Variants in ITGA8 observed in about 807,000 individuals in gnomAD.
The protein encoded by ITGA8 is integrin subunit alpha 8.
ITGA8 carries 91 observed loss-of-function variants against 142.3 expected under a neutral mutation model. The observed-to-expected ratio is 0.64, with a 90% confidence interval of 0.54 to 0.76. The LOEUF is 0.76. ITGA8 is among the 30% of genes least tolerant of loss of function. The probability of loss-of-function intolerance (pLI) is 0.00; values close to 1 mark genes in which losing one functional copy is unlikely to be tolerated. For missense variants in ITGA8, 1,406 were observed against 1,327.7 expected (o/e 1.06, Z -0.92); for synonymous variants, 505 against 485.2 (o/e 1.04, Z -0.54).
chr10:15,519,398 A>C lies in ITGA8; in HGVS notation c.2997T>G (p.Val999=). The part of the protein sequence containing the change: ...PEGSIVIKTS[V]IWATPNVSFS... ...AGGAAACATTCGGAGTTGCCCAAAT[A>C]ACTGATGTCTTAATCTGAAATGGAA... The change falls in exon 29 of 30, where the codon GTT becomes GTG. Residue 999 remains valine, a synonymous_variant. Transcript: ENST00000378076. 1 of 1,613,666 alleles carries C rather than the reference A, an allele frequency of 6.2e-7. No homozygotes were observed. Among genetic ancestry groups the C allele is most frequent in the Non-Finnish European group, 8.5e-7 (1 of 1,179,794 alleles).
intron 3 of ITGA8, among the ~76,000 whole-genome samples, chr10:15,687,574 C>T (rs909557308): frequency 1.1e-4 from 17 of 152,186 alleles, no homozygotes; most frequent in Non-Finnish European, 1.5e-5. Flanking sequence ...AGCAGATTAA[C>T]TTAGCATCCT....
intron 3 of ITGA8, among the ~76,000 whole-genome samples, chr10:15,687,060 G>A (rs993889958): frequency 1.2e-4 from 18 of 152,270 alleles, no homozygotes; most frequent in Middle Eastern, 6.8e-3. Flanking sequence ...TTAATGCAAA[G>A]ACAACTCTAC....
intron 13 of ITGA8, among the ~76,000 whole-genome samples, chr10:15,618,093 G>A (rs1833426657): frequency 6.6e-6 from 1 of 152,096 alleles, no homozygotes; most frequent in African/African-American, 2.4e-5. Context: ...AAGGAGGGAG[G>A]GAGATAAAGG....
chr10:15,672,719 A>G lies in ITGA8; in HGVS notation c.707T>C (p.Ile236Thr), dbSNP rs1269320107. 5 of 1,613,200 alleles carry G rather than the reference A, an allele frequency of 3.1e-6. No homozygotes were observed. Among genetic ancestry groups the G allele is most frequent in the African/African-American group, 1.3e-5 (1 of 74,866 alleles). Reference protein sequence around the residue: ...GQVITASVADIIANYSFKDIL... With the variant: ...GQVITASVADTIANYSFKDIL... ...ATCCTTGAATGAGTAATTTGCAATG[A>G]TATCTGCAACACTGGCAGTGATCAC... Residue 236 changes from isoleucine (I) to threonine (T), a missense_variant, in exon 7 of 30, where the codon ATC becomes ACC. By Grantham distance (89) the Ile-to-Thr change is moderately conservative. Transcript: ENST00000378076.
chr10:15,599,872 G>T (rs1428715059), intron 20 of ITGA8, among the ~76,000 whole-genome samples: 1 of 152,154 alleles, frequency 6.6e-6, no homozygotes, highest in Non-Finnish European at 1.5e-5. Context: ...AGTGAGCTGA[G>T]ATCGCGCCAT....
intron 4 of ITGA8, among the ~76,000 whole-genome samples, chr10:15,680,938 C>G (rs1026675477): frequency 1.3e-5 from 2 of 151,704 alleles, no homozygotes; most frequent in Non-Finnish European, 2.9e-5. Context: ...CTTCCTGGGA[C>G]TTCAGAGCAT....
rs549658223 is a variant in ITGA8 at position 15,719,206 on chromosome 10, G to A, written c.210-307C>T. Among the ~76,000 whole-genome samples the A allele has an allele frequency of 2.3e-3, 343 of 152,316 alleles. 2 individuals are homozygous for A. Among genetic ancestry groups the A allele is most frequent in the African/African-American group, 7.3e-3 (305 of 41,570 alleles). ...GCTGCTGGTAGCCGACAGCTCTTGC[G>A]CCCAGACGCAATGGTTACAGACTCT... On this transcript the variant is annotated intron_variant, in intron 1 of 29. Coordinates refer to ENST00000378076, the MANE Select transcript of ITGA8 (RefSeq NM_003638.3).
intron 23 of ITGA8, among the ~76,000 whole-genome samples, chr10:15,577,804 G>A (rs12415010): frequency 0.079 from 11,946 of 152,098 alleles, 840 homozygotes; most frequent in East Asian, 0.29. Flanking sequence ...GTCATCTTAC[G>A]ACCCTCACTG....
At chr10:15,596,204 C>T (rs1194891855) in intron 21 of ITGA8, among the ~76,000 whole-genome samples, 3 of 152,192 alleles carry the variant, frequency 2.0e-5, no homozygotes, top group Non-Finnish European at 1.5e-5. Flanking sequence ...TTTGAAGTCT[C>T]ATCTGTTATT....
chr10:15,644,443 TATATATATATATA>T (rs1212110935), intron 12 of ITGA8, among the ~76,000 whole-genome samples: 1 of 312 alleles, frequency 3.2e-3, no homozygotes, highest in African/African-American at 0.016. Context: ...AATATATATA[TATATATATATATA>T]TATATATATA....
intron 15 of ITGA8, among the ~76,000 whole-genome samples, chr10:15,611,847 T>C (rs1047321142): frequency 5.9e-5 from 9 of 151,812 alleles, no homozygotes; most frequent in African/African-American, 2.2e-4. Flanking sequence ...TATACAAATA[T>C]GCATTAAACT....
chr10:15,632,500 G>C (rs1377477590), intron 13 of ITGA8, among the ~76,000 whole-genome samples: 1 of 152,126 alleles, frequency 6.6e-6, no homozygotes, highest in African/African-American at 2.4e-5. Flanking sequence ...TCTCAACCTG[G>C]ATCTGTGAAT....
intron 8 of ITGA8, among the ~76,000 whole-genome samples, chr10:15,665,722 G>C (rs1564398959): frequency 2.0e-5 from 3 of 152,210 alleles, no homozygotes; most frequent in Non-Finnish European, 4.4e-5. Context: ...ATGAGTTTCA[G>C]CTTTCTACAT....
rs146123609 is a variant in ITGA8 at position 15,682,310 on chromosome 10, A to G, written c.568+1694T>C. ...GTTCTTTGCTGAATTTCCTAAACAT[A>G]GAAGAGTTAGTTTACTGCTCAATGT... On this transcript the variant is annotated intron_variant, in intron 4 of 29. Transcript: ENST00000378076. Among the ~76,000 whole-genome samples the G allele has an allele frequency of 1.3e-4, 20 of 152,298 alleles. No homozygotes were observed. In the South Asian group the frequency reaches 3.5e-3, roughly 27 times the overall value.
At chr10:15,609,588 T>C (rs746969859) in intron 15 of ITGA8, among the ~76,000 whole-genome samples, 5 of 152,236 alleles carry the variant, frequency 3.3e-5, no homozygotes, top group Non-Finnish European at 7.3e-5. Context: ...CCCAGAGAAA[T>C]CACTGATTCC....
At chr10:15,530,726 C>T (rs1248842925) in intron 28 of ITGA8, among the ~76,000 whole-genome samples, 1 of 152,076 alleles carries the variant, frequency 6.6e-6, no homozygotes, top group African/African-American at 2.4e-5. Context: ...ACTTGACTAA[C>T]CATGCTGTTT....
At chr10:15,660,735 T>G (rs996363159) in intron 9 of ITGA8, 144 bp downstream of exon 9, 7 of 673,384 alleles carry the variant, frequency 1.0e-5, no homozygotes, top group Non-Finnish European at 1.3e-5. Flanking sequence ...AGGTAAGCTA[T>G]GATGTTCGGT....
chr10:15,588,270 A>G (rs1173844242), intron 22 of ITGA8, among the ~76,000 whole-genome samples: 1 of 152,194 alleles, frequency 6.6e-6, no homozygotes, highest in African/African-American at 2.4e-5. Context: ...GATTGTATAT[A>G]ATGATAAGAC....
intron 6 of ITGA8, among the ~76,000 whole-genome samples, chr10:15,677,142 T>C (rs562016981): frequency 6.6e-6 from 1 of 152,294 alleles, no homozygotes; most frequent in East Asian, 1.9e-4. Context: ...CAAGGATGAA[T>C]AGAGATTCAG....
Sources: allele counts gnomAD v4.1 joint callset (sites outside exome capture counted in the v4.1 genomes callset), GRCh38; gene constraint gnomAD v4.1.1; transcripts MANE v1.5; gene names NCBI Gene and HGNC (gene_info 2026-07-23, HGNC 2026-07-21).